Variants in GRM5 observed in about 807,000 individuals in gnomAD.
The protein encoded by GRM5 is metabotropic glutamate receptor 5.
Under a neutral mutation model 83.1 loss-of-function variants are expected in GRM5, and 19 were observed. That is an observed-to-expected ratio of 0.23 (90% CI 0.16 to 0.34). The LOEUF (loss-of-function observed/expected upper bound fraction) is 0.34. GRM5 is among the 10% of genes least tolerant of loss of function. The pLI is 1.00. For synonymous variants in GRM5, 675 were observed against 633.6 expected, an observed-to-expected ratio of 1.07 and a Z score of -0.98; for missense variants, 1,160 against 1,588.3, an observed-to-expected ratio of 0.73 and a Z score of 4.58.
At chr11:88,730,298 A>T (rs771168015) in intron 3 of GRM5, among the ~76,000 whole-genome samples, 1 of 152,220 alleles carries the variant, frequency 6.6e-6, no homozygotes, top group Non-Finnish European at 1.5e-5. Flanking sequence ...GTCATTAGAG[A>T]AATGCAAAAC....
chr11:88,668,176 T>C (rs945335551), intron 3 of GRM5, among the ~76,000 whole-genome samples: 1 of 151,210 alleles, frequency 6.6e-6, no homozygotes, highest in African/African-American at 2.4e-5. Context: ...ATCTCTTAAA[T>C]CAGTGGAAGT....
At chr11:88,726,382 G>T (rs1021523568) in intron 3 of GRM5, among the ~76,000 whole-genome samples, 4 of 152,142 alleles carry the variant, frequency 2.6e-5, no homozygotes, top group African/African-American at 4.8e-5. Flanking sequence ...AGATATATGG[G>T]ACTATGTGAA....
chr11:88,625,202 C>T (rs1171778259), intron 4 of GRM5, among the ~76,000 whole-genome samples: 1 of 152,076 alleles, frequency 6.6e-6, no homozygotes, highest in East Asian at 1.9e-4. Flanking sequence ...GCCGAAGTTC[C>T]AGAGAGCCAG....
At position 88,509,456 on chromosome 11, in the gene GRM5, C is replaced by G. The variant is rs756131199; in HGVS notation, c.2775G>C (p.Arg925=). The change falls in exon 10 of 10, where the codon CGG becomes CGC. Residue 925 remains arginine, a synonymous_variant. Transcript: ENST00000305447. ...ACAGGCGCTGCCACAGGTGCTGCCC[C>G]CGGCTGCTCTTCTCATTCTGGGCCC... is the stretch of plus-strand genomic sequence containing the variant. ...VTWAQNEKSS[R]GQHLWQRLSI... is the part of the protein sequence containing the mutation. 3.5e-5 allele frequency: 56 copies of G among 1,612,474 alleles called. No homozygotes were observed. The Middle Eastern group carries it at 4.9e-4, about 14-fold the overall frequency.
rs529800610 is a variant in GRM5, at chr11:88,699,745, C to T, written c.912-46342G>A. Among the ~76,000 whole-genome samples, 11 of 7,554 alleles carry T rather than the reference C, an allele frequency of 1.5e-3. No homozygotes were observed. The Non-Finnish European group carries it at 0.1, about 69-fold the overall frequency. The allele number at this position is 7,554 out of a possible 152,430, so 5.0% of individuals were successfully genotyped here. A position where few individuals can be genotyped will look rare whatever the true frequency, so the allele number is the denominator to read the frequency against. On this transcript the variant is annotated intron_variant, in intron 3 of 9. Coordinates refer to ENST00000305447, the MANE Select transcript of GRM5 (RefSeq NM_001143831.3). ...GACTAGTAGACACTAATTTGCTGCA[C>T]GAGCAGAGTGTCCAGGTCTAATGCC...
At position 89,028,107 on chromosome 11, in the gene GRM5, A is replaced by G. The variant is rs1403432076; in HGVS notation, c.661+19105T>C. ...CGTCTTGATACTGGACCTTCCAGCCAACAGAATTGTGAGCCAATACATTTC... is the reference window on the plus strand; with the variant it reads ...CGTCTTGATACTGGACCTTCCAGCCGACAGAATTGTGAGCCAATACATTTC... On this transcript the variant is annotated intron_variant, in intron 2 of 9. Transcript: ENST00000305447. Among the ~76,000 whole-genome samples, 70 of 152,172 alleles carry G rather than the reference A, an allele frequency of 4.6e-4. 1 individual carries two copies. The highest frequency in any genetic ancestry group is 3.5e-4 in the Non-Finnish European group (24 of 68,032).
At chr11:88,774,026 T>G (rs1942794486) in intron 3 of GRM5, among the ~76,000 whole-genome samples, 1 of 152,242 alleles carries the variant, frequency 6.6e-6, no homozygotes, top group African/African-American at 2.4e-5. Flanking sequence ...GCATTGAATC[T>G]ATAAATTACT....
chr11:88,737,699 A>C (rs1273918755), intron 3 of GRM5, among the ~76,000 whole-genome samples: 1 of 152,050 alleles, frequency 6.6e-6, no homozygotes, highest in Admixed American at 6.6e-5. Context: ...ATAAAAAGGA[A>C]GGGAAGGAGC....
intron 2 of GRM5, among the ~76,000 whole-genome samples, chr11:89,000,936 A>G (rs1487746581): frequency 6.6e-6 from 1 of 151,850 alleles, no homozygotes; most frequent in African/African-American, 2.4e-5. Context: ...ATGAAAAAAA[A>G]GCACATAAAA....
rs989406954 is a variant in GRM5, at chr11:88,820,451, G to A, written c.911+29455C>T. The stretch of plus-strand genomic sequence containing the variant: ...TTTTCCATTATTGCTATTCTTTCTC[G>A]AGCCCTGTACCTTTTGAAATAAGGT... On this transcript the variant is annotated intron_variant, in intron 3 of 9. Transcript: ENST00000305447. Among the ~76,000 whole-genome samples the A allele has an allele frequency of 2.0e-5, 3 of 149,152 alleles. No individual in the cohort carries two copies. The South Asian group carries it at 6.4e-4, about 32-fold the overall frequency.
rs1207425999 is a variant in GRM5 at position 88,919,253 on chromosome 11, TA to T, written c.662-69099del. ...GCAGGAGTAGCTATATATATATATA[TA>T]TATCGGATAAAATAGATTTTAAGAC... is the stretch of plus-strand genomic sequence containing the variant. On this transcript the variant is annotated intron_variant, in intron 2 of 9. Transcript: ENST00000305447. 1.3e-3 allele frequency among the ~76,000 whole-genome samples: 124 copies of T among 92,272 alleles called. 28 individuals carry two copies. In the East Asian group the frequency reaches 0.022, roughly 16 times the overall value. 60.5% of individuals were successfully genotyped at this position (92,272 alleles called of 152,430 possible).
At chr11:88,616,389 GTTTTTTTTT>G (rs68153026) in intron 4 of GRM5, among the ~76,000 whole-genome samples, 4 of 95,776 alleles carry the variant, frequency 4.2e-5, no homozygotes, top group Non-Finnish European at 6.2e-5. Flanking sequence ...GCTTTGGAGT[GTTTTTTTTT>G]TTTTTTTTTT....
chr11:88,913,268 C>T (rs79160727), intron 2 of GRM5, among the ~76,000 whole-genome samples: 1 of 152,094 alleles, frequency 6.6e-6, no homozygotes, highest in African/African-American at 2.4e-5. Context: ...ATGGTGATAT[C>T]TCCTGTGCCT....
At chr11:88,938,117 T>C (rs2135660813) in intron 2 of GRM5, among the ~76,000 whole-genome samples, 1 of 151,850 alleles carries the variant, frequency 6.6e-6, no homozygotes, top group South Asian at 2.1e-4. Flanking sequence ...ATTTATTCAT[T>C]TCACAATGTG....
intron 2 of GRM5, among the ~76,000 whole-genome samples, chr11:88,943,803 C>G (rs1950192315): frequency 6.6e-6 from 1 of 151,520 alleles, no homozygotes; most frequent in Non-Finnish European, 1.5e-5. Context: ...TAATAAACTA[C>G]AGTATGCAAT....
chr11:88,961,432 C>T (rs1278948758), intron 2 of GRM5, among the ~76,000 whole-genome samples: 1 of 151,754 alleles, frequency 6.6e-6, no homozygotes, highest in African/African-American at 2.4e-5. Flanking sequence ...AGAATTGAGG[C>T]TGCCATTTGC....
At chr11:88,991,858 C>T (rs1939986816) in intron 2 of GRM5, among the ~76,000 whole-genome samples, 1 of 151,880 alleles carries the variant, frequency 6.6e-6, no homozygotes, top group African/African-American at 2.4e-5. Flanking sequence ...ATACAAAAAT[C>T]AATTCAAGAT....
At chr11:88,583,347 T>C (rs537212092) in intron 7 of GRM5, among the ~76,000 whole-genome samples, 5 of 152,306 alleles carry the variant, frequency 3.3e-5, no homozygotes, top group African/African-American at 1.2e-4. Flanking sequence ...CCAAAGCAAT[T>C]AGGTAACTCA....
rs1465045188 is a variant in GRM5, at chr11:88,507,508, A to C, written c.*1084T>G. The C allele has an allele frequency of 6.6e-6, 1 of 152,226 alleles. No individual in the cohort carries two copies. The highest frequency in any genetic ancestry group is 1.5e-5 in the Non-Finnish European group (1 of 68,040). 9.4% of individuals were successfully genotyped at this position (152,226 alleles called of 1,614,324 possible). A position where few individuals can be genotyped will look rare whatever the true frequency, so the allele number is the denominator to read the frequency against. ...AACAACAGTCTCTCAAATCATGACA[A>C]TGTCTTCATGGGGTCTATGGACCAC... is the stretch of plus-strand genomic sequence containing the variant. On this transcript the variant is annotated 3_prime_UTR_variant, in exon 10 of 10. Coordinates refer to ENST00000305447, the MANE Select transcript of GRM5 (RefSeq NM_001143831.3).
Sources: gnomAD v4.1 joint callset for allele counts (sites outside exome capture counted in the v4.1 genomes callset) on GRCh38, gnomAD v4.1.1 for gene constraint, MANE v1.5 for transcripts, NCBI Gene and HGNC (gene_info 2026-07-23, HGNC 2026-07-21) for gene names.